The following SLC38A11 variants were observed in gnomAD, a reference collection of about 807,000 sequenced individuals.
The protein encoded by SLC38A11 is putative sodium-coupled neutral amino acid transporter 11.
SLC38A11 carries 51 observed loss-of-function variants against 49.4 expected under a neutral mutation model. The ratio of observed to expected loss-of-function variants is 1.03; its 90% CI spans 0.83 to 1.30. SLC38A11 has a LOEUF of 1.30. Among genes scored for constraint, SLC38A11 ranks in the 50% most tolerant of loss-of-function variants. The pLI, the probability that SLC38A11 is intolerant of heterozygous loss-of-function variation, is 0.00. For synonymous variants in SLC38A11, 203 were observed against 192.9 expected (o/e 1.05, Z -0.43); for missense variants, 574 against 556.2 (o/e 1.03, Z -0.32).
At chr2:164,939,403 C>T (rs1687590993) in intron 6 of SLC38A11, 47 bp downstream of exon 6, 2 of 1,280,478 alleles carry the variant, frequency 1.6e-6, no homozygotes, top group Non-Finnish European at 2.2e-6. Flanking sequence ...GTAGATTATG[C>T]AGGCAACAAG....
In SLC38A11 at chr2:164,897,182, G is replaced by C. The variant is rs529086513; in HGVS notation, c.*1255C>G. ...TCAGTAAACCGAGGGCATCTGTGGT[G>C]GGCACAGCTGTGTCTCCCAGATACC... On this transcript the variant is annotated 3_prime_UTR_variant, in exon 12 of 12. Transcript: ENST00000685975. The C allele has an allele frequency of 2.6e-5, 4 of 152,200 alleles. No homozygotes were observed. The South Asian group carries it at 8.3e-4, about 32-fold the overall frequency. 9.4% of individuals were successfully genotyped at this position (152,200 alleles called of 1,614,324 possible). A position where few individuals can be genotyped will look rare whatever the true frequency, so the allele number is the denominator to read the frequency against.
intron 11 of SLC38A11, among the ~76,000 whole-genome samples, chr2:164,904,805 A>G (rs1246032104): frequency 6.6e-6 from 1 of 152,176 alleles, no homozygotes; most frequent in Non-Finnish European, 1.5e-5. Context: ...AGATAAACTC[A>G]ATGCATAGAT....
chr2:164,907,270 C>CTT lies in SLC38A11; in HGVS notation c.1095+1368_1095+1369dup, dbSNP rs60527900. On this transcript the variant is annotated intron_variant, in intron 11 of 11. Transcript: ENST00000685975. ...TCCATTTCCCTCTGTCTTCTTTTCT[C>CTT]TTTTTTTTTTTTTTTTTTTTTGAGA... Among the ~76,000 whole-genome samples, 209 of 97,902 alleles carry CTT rather than the reference C, an allele frequency of 2.1e-3. 5 individuals carry two copies. The highest frequency in any genetic ancestry group is 6.3e-3 in the African/African-American group (163 of 25,894). The allele number at this position is 97,902 out of a possible 152,430, so 64.2% of individuals were successfully genotyped here. A position where few individuals can be genotyped will look rare whatever the true frequency, so the allele number is the denominator to read the frequency against.
intron 6 of SLC38A11, among the ~76,000 whole-genome samples, chr2:164,938,597 G>C (rs1439238491): frequency 6.6e-6 from 1 of 152,072 alleles, no homozygotes; most frequent in Non-Finnish European, 1.5e-5. Flanking sequence ...ACTCTTGTTT[G>C]TTTCCAGATG....
At position 164,950,193 on chromosome 2, in the gene SLC38A11, G is replaced by A. The variant is rs1262009165; in HGVS notation, c.229+2514C>T. The A allele has an allele frequency of 2.0e-5, 3 of 152,116 alleles. No individual in the cohort carries two copies. The South Asian group carries it at 6.2e-4, about 32-fold the overall frequency. The allele number at this position is 152,116 out of a possible 1,614,324, so 9.4% of individuals were successfully genotyped here. ...AATTTGGACTTCAGTAGGTTAAAAC[G>A]GCTTAGCCAAGGTCTGAAGTTACTG... On this transcript the variant is annotated intron_variant, in intron 3 of 11. Coordinates refer to ENST00000685975, the MANE Select transcript of SLC38A11 (RefSeq NM_001351537.2).
chr2:164,926,012 T>G (rs1392679027), intron 7 of SLC38A11, among the ~76,000 whole-genome samples: 1 of 152,168 alleles, frequency 6.6e-6, no homozygotes, highest in Non-Finnish European at 1.5e-5. Context: ...TCTCCTGATT[T>G]TACCAGCTTA....
chr2:164,941,777 A>G (rs1488131678), intron 5 of SLC38A11, among the ~76,000 whole-genome samples: 1 of 152,166 alleles, frequency 6.6e-6, no homozygotes, highest in Non-Finnish European at 1.5e-5. Flanking sequence ...TGTACAGAAT[A>G]CTGAACTTCC....
chr2:164,916,786 T>C (rs1304619962), intron 7 of SLC38A11, among the ~76,000 whole-genome samples: 3 of 152,146 alleles, frequency 2.0e-5, no homozygotes, highest in Non-Finnish European at 4.4e-5. Flanking sequence ...TTGGCAGTGA[T>C]AGGTCTACCT....
At chr2:164,944,786 G>C (rs1045847363) in intron 4 of SLC38A11, among the ~76,000 whole-genome samples, 152 bp from the exon 5 acceptor site, 1 of 152,088 alleles carries the variant, frequency 6.6e-6, no homozygotes, top group African/African-American at 2.4e-5. Context: ...CAACTTTAAA[G>C]ATAACTGGAC....
Position 164,945,670 on chromosome 2 carries a change from TGGTA to T in SLC38A11, c.283_286del (p.Tyr95SerfsTer26). On this transcript the variant is annotated frameshift_variant, in exon 4 of 12. Coordinates refer to ENST00000685975, the MANE Select transcript of SLC38A11 (RefSeq NM_001351537.2). LOFTEE classifies it high-confidence loss of function. ...GCCGAAAGTTTTATTGACCAAAGAC[TGGTA>T]GGTATCTGTTCCAGAGAGGGCCCCT... The T allele has an allele frequency of 6.2e-7, 1 of 1,612,026 alleles. No homozygotes were observed. The highest frequency in any genetic ancestry group is 8.5e-7 in the Non-Finnish European group (1 of 1,179,602).
Position 164,939,417 on chromosome 2 carries a change from C to T in SLC38A11, c.537+33G>A, listed in dbSNP as rs755081708. On this transcript the variant is annotated intron_variant, in intron 6 of 11. Coordinates refer to ENST00000685975, the MANE Select transcript of SLC38A11 (RefSeq NM_001351537.2). ...AGTAGATTATGCAGGCAACAAGGTA[C>T]ATTTCTATGCCCATTTAAAATGTAA... 7 of 1,433,232 alleles carry T rather than the reference C, an allele frequency of 4.9e-6. No individual in the cohort carries two copies. In the East Asian group the frequency reaches 1.4e-4, roughly 28 times the overall value. 88.8% of individuals were successfully genotyped at this position (1,433,232 alleles called of 1,614,324 possible).
intron 11 of SLC38A11, among the ~76,000 whole-genome samples, chr2:164,905,347 G>T (rs559869933): frequency 2.6e-5 from 4 of 152,150 alleles, no homozygotes; most frequent in African/African-American, 9.6e-5. Context: ...GGCCAAGCAG[G>T]TCTTGAACTC....
In SLC38A11 at chr2:164,898,735, A is replaced by G; in HGVS notation, c.1096-5T>C. 3 of 1,599,138 alleles carry G rather than the reference A, an allele frequency of 1.9e-6. No homozygotes were observed. The highest frequency in any genetic ancestry group is 2.6e-6 in the Non-Finnish European group (3 of 1,170,726). On this transcript the variant is annotated splice_region_variant and splice_polypyrimidine_tract_variant and intron_variant, in intron 11 of 11. Coordinates refer to ENST00000685975, the MANE Select transcript of SLC38A11 (RefSeq NM_001351537.2). ...GGGAGTTGCACAGAGCACACCCTGC[A>G]TGTTGAAAACAAGAAACAAGATAAT...
chr2:164,923,726 G>A (rs1686369897), intron 7 of SLC38A11, among the ~76,000 whole-genome samples: 1 of 151,868 alleles, frequency 6.6e-6, no homozygotes, highest in South Asian at 2.1e-4. Flanking sequence ...GAGCCTAGAA[G>A]GTCAAAGTTG....
At chr2:164,921,239 A>T (rs1235268792) in intron 7 of SLC38A11, among the ~76,000 whole-genome samples, 2 of 152,178 alleles carry the variant, frequency 1.3e-5, no homozygotes, top group African/African-American at 4.8e-5. Flanking sequence ...GGTTGAAATA[A>T]AAAAGGTTTT....
At chr2:164,929,614 G>C (rs1448989585) in intron 7 of SLC38A11, among the ~76,000 whole-genome samples, 2 of 152,158 alleles carry the variant, frequency 1.3e-5, no homozygotes, top group East Asian at 3.9e-4. Context: ...GATGGTAAAA[G>C]AGAGACGATG....
At chr2:164,914,155 A>G (rs2105460885) in intron 9 of SLC38A11, among the ~76,000 whole-genome samples, 1 of 152,186 alleles carries the variant, frequency 6.6e-6, no homozygotes, top group South Asian at 2.1e-4. Context: ...TGAGCAAGTT[A>G]CTTCACCTCT....
chr2:164,946,683 A>G (rs1337370938), intron 3 of SLC38A11, among the ~76,000 whole-genome samples: 2 of 152,160 alleles, frequency 1.3e-5, no homozygotes, highest in Non-Finnish European at 2.9e-5. Context: ...ATTTAACTCA[A>G]TGGTTTTTAC....
intron 11 of SLC38A11, among the ~76,000 whole-genome samples, chr2:164,901,157 A>C (rs1479544717): frequency 2.0e-5 from 3 of 151,942 alleles, no homozygotes; most frequent in Non-Finnish European, 2.9e-5. Flanking sequence ...CCATCGGTCT[A>C]TATTTGTGTT....
Sources: gnomAD v4.1 joint callset for allele counts (sites outside exome capture counted in the v4.1 genomes callset) on GRCh38, gnomAD v4.1.1 for gene constraint, MANE v1.5 for transcripts, NCBI Gene and HGNC (gene_info 2026-07-23, HGNC 2026-07-21) for gene names.